RBFOX1: variants seen among roughly 807,000 people sequenced by gnomAD.
RBFOX1 encodes the protein RNA binding protein fox-1 homolog 1.
In RBFOX1, 8 loss-of-function variants were observed where a neutral mutation model predicts 57.7. The observed-to-expected ratio is 0.14, with a 90% confidence interval of 0.08 to 0.25. RBFOX1 has a LOEUF of 0.25. Ranked by LOEUF, RBFOX1 falls within the 10% of genes least tolerant of loss-of-function variation. RBFOX1 has a pLI of 1.00. For missense variants in RBFOX1, 611 were observed against 548.5 expected (o/e 1.11, Z -1.14); for synonymous variants, 326 against 222.4 (o/e 1.47, Z -4.15).
chr16:6,730,223 T>C (rs2068189038), intron 3 of RBFOX1, among the ~76,000 whole-genome samples: 1 of 152,050 alleles, frequency 6.6e-6, no homozygotes, highest in South Asian at 2.1e-4. Flanking sequence ...CCTGAGCAAA[T>C]ATATATGGTT....
At chr16:6,069,226 C>G (rs761323896) in intron 1 of RBFOX1, among the ~76,000 whole-genome samples, 1 of 151,870 alleles carries the variant, frequency 6.6e-6, no homozygotes, top group South Asian at 2.1e-4. Flanking sequence ...TGGAGAAACC[C>G]CGTTTCTACC....
chr16:6,069,169 C>G (rs1315762753), intron 1 of RBFOX1, among the ~76,000 whole-genome samples: 2 of 151,806 alleles, frequency 1.3e-5, no homozygotes, highest in East Asian at 1.9e-4. Flanking sequence ...GAGGCCGAGG[C>G]GGATGGATCA....
chr16:5,475,049 T>C (rs1266228922), intron 2 of RBFOX1, among the ~76,000 whole-genome samples: 1 of 152,200 alleles, frequency 6.6e-6, no homozygotes, highest in African/African-American at 2.4e-5. Flanking sequence ...TTTTGTAAGA[T>C]TTCCTTTTGT....
intron 4 of RBFOX1, chr16:7,126,605 T>C (rs1270410658): frequency 5.7e-6 from 1 of 175,550 alleles, no homozygotes; most frequent in African/African-American, 2.3e-5. Flanking sequence ...GCAGCCCTTT[T>C]TGGCATGACT....
chr16:6,832,112 T>A (rs532180413), intron 3 of RBFOX1, among the ~76,000 whole-genome samples: 3 of 152,364 alleles, frequency 2.0e-5, no homozygotes, highest in Non-Finnish European at 4.4e-5. Flanking sequence ...TATGTTAGGA[T>A]AAAACTTTTT....
intron 1 of RBFOX1, among the ~76,000 whole-genome samples, chr16:5,391,410 G>A (rs518658): frequency 0.42 from 63,931 of 151,748 alleles, 13,808 homozygotes; most frequent in African/African-American, 0.48. Flanking sequence ...TTCTGCTTCC[G>A]TCTTCAAAGC....
intron 4 of RBFOX1, among the ~76,000 whole-genome samples, chr16:7,307,879 C>T (rs1042128510): frequency 3.9e-5 from 6 of 152,220 alleles, no homozygotes; most frequent in South Asian, 4.1e-4. Context: ...GCCTCAATCT[C>T]CTTTCCTGAG....
At chr16:5,901,748 G>T (rs1457938402) in intron 4 of RBFOX1, among the ~76,000 whole-genome samples, 2 of 152,094 alleles carry the variant, frequency 1.3e-5, no homozygotes. Context: ...ATTTTTTGGG[G>T]GCAGTGATGT....
chr16:6,871,406 A>T (rs1345483396), intron 3 of RBFOX1, among the ~76,000 whole-genome samples: 1 of 152,050 alleles, frequency 6.6e-6, no homozygotes, highest in African/African-American at 2.4e-5. Flanking sequence ...GGCTGGTCTC[A>T]AACTCCTGAG....
chr16:6,345,296 G>C (rs2085205073), intron 2 of RBFOX1, among the ~76,000 whole-genome samples: 1 of 152,210 alleles, frequency 6.6e-6, no homozygotes, highest in Admixed American at 6.5e-5. Flanking sequence ...GCTCCTTACA[G>C]AGCAGGGCTC....
chr16:6,979,913 A>G lies in RBFOX1; in HGVS notation c.-15-72144A>G, dbSNP rs1462631975. Among the ~76,000 whole-genome samples the G allele has an allele frequency of 2.0e-5, 3 of 152,096 alleles. 1 individual carries two copies. Among genetic ancestry groups the G allele is most frequent in the East Asian group, 3.9e-4 (2 of 5,190 alleles). ...GTGGCCACAGGACAAGATCTTGTCA[A>G]AGAGATGGAACTGCCAGTTTCTGAG... is the stretch of plus-strand genomic sequence containing the variant. On this transcript the variant is annotated intron_variant, in intron 3 of 15. Transcript: ENST00000550418.
intron 2 of RBFOX1, among the ~76,000 whole-genome samples, chr16:6,370,362 GAAAAAAAAAAAAA>G (rs71145221): frequency 1.2e-4 from 10 of 81,976 alleles, no homozygotes; most frequent in East Asian, 4.5e-4. Context: ...CGTCTCAAAA[GAAAAAAAAAAAAA>G]AAAAAAAAAA....
intron 1 of RBFOX1, among the ~76,000 whole-genome samples, chr16:5,242,874 G>C (rs2090748895): frequency 6.6e-6 from 1 of 151,982 alleles, no homozygotes; most frequent in African/African-American, 2.4e-5. Context: ...GTGGCAAGGG[G>C]TTGCTTTATT....
chr16:5,335,804 T>C (rs1245782017), intron 1 of RBFOX1, among the ~76,000 whole-genome samples: 2 of 152,160 alleles, frequency 1.3e-5, no homozygotes, highest in African/African-American at 2.4e-5. Context: ...TCAGTAAATA[T>C]TCCTTGTGTG....
chr16:7,082,432 A>C (rs993595698), intron 4 of RBFOX1, among the ~76,000 whole-genome samples: 6 of 151,878 alleles, frequency 4.0e-5, no homozygotes, highest in African/African-American at 1.5e-4. Context: ...AATATCAAAA[A>C]TTAGCTGGAT....
chr16:6,304,204 C>G (rs940561804), intron 1 of RBFOX1, among the ~76,000 whole-genome samples: 2 of 151,748 alleles, frequency 1.3e-5, no homozygotes, highest in Admixed American at 6.6e-5. Flanking sequence ...AGGAGGATCA[C>G]TTGAACCCAA....
At position 6,563,143 on chromosome 16, in the gene RBFOX1, C is replaced by G. The variant is rs115751590; in HGVS notation, c.-63-91460C>G. Among the ~76,000 whole-genome samples the G allele has an allele frequency of 2.5e-3, 379 of 152,182 alleles. 1 individual carries two copies. The highest frequency in any genetic ancestry group is 8.5e-3 in the African/African-American group (353 of 41,528). ...CAATGCCTGGTGCAAAATGAATACTCAGGTGGTTCCTGTGTTGTCGTCCTT... is the reference window on the plus strand; with the variant it reads ...CAATGCCTGGTGCAAAATGAATACTGAGGTGGTTCCTGTGTTGTCGTCCTT... On this transcript the variant is annotated intron_variant, in intron 2 of 15. Transcript: ENST00000550418.
At chr16:6,074,150 A>T (rs892542441) in intron 1 of RBFOX1, among the ~76,000 whole-genome samples, 1 of 151,938 alleles carries the variant, frequency 6.6e-6, no homozygotes, top group Non-Finnish European at 1.5e-5. Context: ...GGATTTCACC[A>T]TGTTAGCCAT....
At chr16:5,466,193 T>G (rs1228899316) in intron 1 of RBFOX1, among the ~76,000 whole-genome samples, 1 of 152,262 alleles carries the variant, frequency 6.6e-6, no homozygotes, top group Non-Finnish European at 1.5e-5. Context: ...GAAGGTGTTC[T>G]TGGCTTGAAG....
Sources: gnomAD v4.1 joint callset for allele counts (sites outside exome capture counted in the v4.1 genomes callset) on GRCh38, gnomAD v4.1.1 for gene constraint, MANE v1.5 for transcripts, NCBI Gene and HGNC (gene_info 2026-07-23, HGNC 2026-07-21) for gene names.